CANX: variants seen among roughly 807,000 people sequenced by gnomAD.
CANX encodes epididymis secretory sperm binding protein.
Under a neutral mutation model 75.7 loss-of-function variants are expected in CANX, and 14 were observed. The observed-to-expected ratio is 0.19, with a 90% confidence interval of 0.12 to 0.29. The LOEUF (loss-of-function observed/expected upper bound fraction) is 0.29, where lower values mean the gene tolerates loss of function less well. Ranked by LOEUF, CANX falls within the 10% of genes least tolerant of loss-of-function variation. CANX has a pLI of 1.00. For synonymous variants in CANX, 227 were observed against 236.9 expected (o/e 0.96, Z 0.38); for missense variants, 567 against 713.2 (o/e 0.79, Z 2.34).
intron 12 of CANX, 66 bp downstream of exon 12, chr5:179,723,845 A>G: frequency 7.0e-7 from 1 of 1,424,404 alleles, no homozygotes; most frequent in Non-Finnish European, 9.6e-7. Context: ...AAAAATAACT[A>G]AGATATGTTG....
intron 8 of CANX, among the ~76,000 whole-genome samples, chr5:179,717,113 A>G (rs1778008044): frequency 6.6e-6 from 1 of 152,166 alleles, no homozygotes; most frequent in African/African-American, 2.4e-5. Flanking sequence ...GACTCCAGAA[A>G]TGTCAGAAAG....
chr5:179,694,532 C>A, upstream of CANX: 1 of 770,652 alleles, frequency 1.3e-6, no homozygotes, highest in Non-Finnish European at 2.4e-6. Context: ...CAAACCCTGG[C>A]ATCTCTATTG....
At chr5:179,698,320 T>C (rs953907558), upstream of CANX, 39 of 814,136 alleles carry the variant, frequency 4.8e-5, no homozygotes, top group Admixed American at 8.1e-5. Flanking sequence ...TATATTATTC[T>C]GGACTGTGTG....
rs1390890761 is a variant in CANX, at chr5:179,719,748, T to A, written c.992T>A (p.Val331Glu). The A allele has an allele frequency of 6.2e-7, 1 of 1,610,860 alleles. No individual in the cohort carries two copies. The highest frequency in any genetic ancestry group is 8.5e-7 in the Non-Finnish European group (1 of 1,177,800). The change falls in exon 9 of 15, where the codon GTA becomes GAA. Residue 331 changes from valine to glutamate, a missense_variant. Val to Glu is a moderately radical substitution (Grantham distance 121). Coordinates refer to ENST00000247461, the MANE Select transcript of CANX (RefSeq NM_001746.4). The stretch of plus-strand genomic sequence containing the variant: ...TGGTTAGATGATGAGCCTGAGTACG[T>A]ACCTGATCCAGACGCAGAGAAACCT... ...EGWLDDEPEY[V>E]PDPDAEKPED...
intron 1 of CANX, among the ~76,000 whole-genome samples, chr5:179,702,441 T>C (rs1013735847): frequency 2.6e-5 from 4 of 151,956 alleles, no homozygotes; most frequent in Admixed American, 1.3e-4. Context: ...TTTAAAACTT[T>C]GTGGTATCTG....
chr5:179,719,390 A>G (rs1301407471), intron 8 of CANX, among the ~76,000 whole-genome samples: 1 of 152,054 alleles, frequency 6.6e-6, no homozygotes, highest in African/African-American at 2.4e-5. Context: ...TTGTATGTTC[A>G]TATTGTATAT....
intron 13 of CANX, 109 bp downstream of exon 13, chr5:179,724,892 C>T: frequency 2.1e-6 from 3 of 1,418,132 alleles, no homozygotes; most frequent in Non-Finnish European, 2.8e-6. Flanking sequence ...TGGCTCAAGC[C>T]TGTAATCCTA....
upstream of CANX, among the ~76,000 whole-genome samples, chr5:179,696,002 C>T (rs372790754): frequency 6.6e-6 from 1 of 151,964 alleles, no homozygotes; most frequent in Admixed American, 6.6e-5. Flanking sequence ...TCACTGCAGC[C>T]TTGACCTCTT....
At chr5:179,701,091 C>A (rs1776723580) in intron 1 of CANX, 1 of 151,998 alleles carries the variant, frequency 6.6e-6, no homozygotes, top group African/African-American at 2.4e-5. Flanking sequence ...TGGTCTCAAT[C>A]TCCTGACCTC....
In CANX at chr5:179,716,217, C is replaced by G; in HGVS notation, c.834C>G (p.Asp278Glu). Residue 278 changes from aspartate to glutamate, a missense_variant, in exon 8 of 15, where the codon GAC becomes GAG. Around this residue, in one of 3 missense-constraint regions of CANX, gnomAD observed 351 missense variants for 433.8 expected, o/e 0.81. Coordinates refer to ENST00000247461, the MANE Select transcript of CANX (RefSeq NM_001746.4). ...PPVNPSREIE[D>E]PEDRKPEDWD... ...TAAATCCTTCACGTGAAATTGAGGACCCAGAAGACCGGAAGCCCGAGGATT... is the reference window on the plus strand; with the variant it reads ...TAAATCCTTCACGTGAAATTGAGGAGCCAGAAGACCGGAAGCCCGAGGATT... 7 of 1,613,956 alleles carry G rather than the reference C, an allele frequency of 4.3e-6. No homozygotes were observed. The highest frequency in any genetic ancestry group is 3.4e-6 in the Non-Finnish European group (4 of 1,179,884).
chr5:179,710,062 CTAAG>C lies in CANX; in HGVS notation c.721+2_721+5del. On this transcript the variant is annotated splice_donor_variant and coding_sequence_variant, in exon 7 of 15. Coordinates refer to ENST00000247461, the MANE Select transcript of CANX (RefSeq NM_001746.4). LOFTEE classifies it high-confidence loss of function. ...TGATAAGAAAACACATCTTTACACACTAAGTAAGAAAAAGCATTAGTTTGGGGGC... is the reference window on the plus strand; with the variant it reads ...TGATAAGAAAACACATCTTTACACACTAAGAAAAAGCATTAGTTTGGGGGC... 6.4e-7 allele frequency: 1 copy of C among 1,555,198 alleles called. No homozygotes were observed. The highest frequency in any genetic ancestry group is 8.8e-7 in the Non-Finnish European group (1 of 1,135,526).
Position 179,722,842 on chromosome 5 carries a change from C to G in CANX, c.1221C>G (p.Phe407Leu). 3.7e-6 allele frequency: 6 copies of G among 1,612,984 alleles called. No homozygotes were observed. Among genetic ancestry groups the G allele is most frequent in the Non-Finnish European group, 5.1e-6 (6 of 1,179,108 alleles). ...WKPRKIPNPDFFEDLEPFRMT... is the reference protein window; with the variant it reads ...WKPRKIPNPDLFEDLEPFRMT... Reference sequence around the variant, plus strand: ...CCAGGAAAATACCAAATCCAGATTTCTTTGAAGATCTGGAACCTTTCAGAA... The same window carrying G: ...CCAGGAAAATACCAAATCCAGATTTGTTTGAAGATCTGGAACCTTTCAGAA... The change falls in exon 11 of 15, where the codon TTC becomes TTG. Residue 407 changes from phenylalanine to leucine, a missense_variant. Coordinates refer to ENST00000247461, the MANE Select transcript of CANX (RefSeq NM_001746.4).
intron 7 of CANX, among the ~76,000 whole-genome samples, chr5:179,715,013 C>G (rs531941425): frequency 1.3e-5 from 2 of 151,226 alleles, no homozygotes; most frequent in African/African-American, 4.9e-5. Flanking sequence ...GATCCACCTG[C>G]GTTAGCCTCC....
chr5:179,726,831 A>G, intron 14 of CANX, 72 bp downstream of exon 14: 1 of 1,180,734 alleles, frequency 8.5e-7, no homozygotes, highest in Non-Finnish European at 1.3e-6. Context: ...ATATTTTAAT[A>G]GGGTAGTTTA....
At chr5:179,701,157 C>G (rs1014061271) in intron 1 of CANX, among the ~76,000 whole-genome samples, 1 of 151,952 alleles carries the variant, frequency 6.6e-6, no homozygotes, top group African/African-American at 2.4e-5. Flanking sequence ...TGAGCCACTG[C>G]GCCCGGCCCA....
upstream of CANX, among the ~76,000 whole-genome samples, chr5:179,696,696 T>G (rs1379629181): frequency 6.6e-6 from 1 of 152,198 alleles, no homozygotes; most frequent in African/African-American, 2.4e-5. Context: ...TGAGAATACA[T>G]CTCCCTTTTC....
intron 10 of CANX, among the ~76,000 whole-genome samples, chr5:179,721,221 G>A (rs1050022172): frequency 5.3e-5 from 8 of 151,500 alleles, no homozygotes; most frequent in African/African-American, 1.7e-4. Context: ...GGGAGCACAG[G>A]TGTGCTCACA....
chr5:179,682,722 A>AC (rs1562430375), intron 1 of CANX, among the ~76,000 whole-genome samples: 3 of 151,812 alleles, frequency 2.0e-5, no homozygotes, highest in Admixed American at 6.6e-5. Flanking sequence ...AAAAAAAAAA[A>AC]AAAAAACCCT....
rs189207090 is a variant in CANX at position 179,724,193 on chromosome 5, T to C, written c.1518+414T>C. Among the ~76,000 whole-genome samples, 5 of 152,286 alleles carry C rather than the reference T, an allele frequency of 3.3e-5. No homozygotes were observed. In the East Asian group the frequency reaches 7.7e-4, roughly 23 times the overall value. On this transcript the variant is annotated intron_variant, in intron 12 of 14. Coordinates refer to ENST00000247461, the MANE Select transcript of CANX (RefSeq NM_001746.4). ...CACCTTCCCCACTCTCAAAACAGTA[T>C]GTTGGGGTACCACAGCCTTATTGTT...
Sources: gnomAD v4.1 joint callset for allele counts (sites outside exome capture counted in the v4.1 genomes callset) on GRCh38, gnomAD v4.1.1 for gene constraint, gnomAD v4.1.1 regional missense constraint, MANE v1.5 for transcripts, NCBI Gene and HGNC (gene_info 2026-07-23, HGNC 2026-07-21) for gene names.